Variants in MTA3 observed in about 807,000 individuals in gnomAD.
MTA3 encodes the protein metastasis-associated protein MTA3.
In MTA3, 34 loss-of-function variants were observed where a neutral mutation model predicts 83.5. The ratio of observed to expected loss-of-function variants is 0.41; its 90% CI spans 0.31 to 0.54. The LOEUF (loss-of-function observed/expected upper bound fraction) is 0.54, where lower values mean the gene tolerates loss of function less well. MTA3 is among the 20% of genes least tolerant of loss of function. MTA3 has a pLI of 0.33. For missense variants in MTA3, 761 were observed against 726.4 expected, an observed-to-expected ratio of 1.05 and a Z score of -0.55; for synonymous variants, 303 against 252.7, an observed-to-expected ratio of 1.20 and a Z score of -1.89.
In MTA3 at chr2:42,722,446, G is replaced by C. The variant is rs78124184; in HGVS notation, c.1613-443G>C. On this transcript the variant is annotated intron_variant, in intron 15 of 16. Transcript: ENST00000405094. ...TCTGTCTGGTTGCAGAGCCAGAGGA[G>C]GAATCCCGTTTTTCAGAAAGTTCGC... Among the ~76,000 whole-genome samples the C allele has an allele frequency of 1.8e-3, 274 of 152,240 alleles. 1 individual carries two copies. The highest frequency in any genetic ancestry group is 6.3e-3 in the African/African-American group (261 of 41,522).
intron 3 of MTA3, among the ~76,000 whole-genome samples, chr2:42,585,960 A>T (rs2103905756): frequency 6.6e-6 from 1 of 152,230 alleles, no homozygotes; most frequent in Non-Finnish European, 1.5e-5. Context: ...ATAAATTATA[A>T]ACAAGATGAA....
intron 2 of MTA3, among the ~76,000 whole-genome samples, chr2:42,545,294 C>A (rs1676711448): frequency 6.6e-6 from 1 of 152,110 alleles, no homozygotes; most frequent in Non-Finnish European, 1.5e-5. Flanking sequence ...GAGAGGATCA[C>A]TTGAGCCTGG....
intron 13 of MTA3, 26 bp from the exon 14 acceptor site, chr2:42,708,848 G>C (rs374680811): frequency 7.3e-5 from 118 of 1,612,642 alleles, no homozygotes; most frequent in Non-Finnish European, 9.1e-5. Flanking sequence ...ACTTCCTTGA[G>C]TGTTTGTTGT....
chr2:42,705,264 A>T (rs1212646747), intron 12 of MTA3, among the ~76,000 whole-genome samples: 1 of 152,242 alleles, frequency 6.6e-6, no homozygotes, highest in Admixed American at 6.5e-5. Flanking sequence ...AATTTGTGGA[A>T]AATTAAGATT....
intron 16 of MTA3, among the ~76,000 whole-genome samples, chr2:42,747,636 A>G (rs1342542560): frequency 6.6e-6 from 1 of 151,366 alleles, no homozygotes; most frequent in Non-Finnish European, 1.5e-5. Context: ...TGCTTGTTAC[A>G]CTGTTGGGGC....
intron 16 of MTA3, among the ~76,000 whole-genome samples, chr2:42,741,269 G>A (rs1465574563): frequency 6.6e-6 from 1 of 152,186 alleles, no homozygotes; most frequent in Non-Finnish European, 1.5e-5. Context: ...GAATGTTGTT[G>A]CTGGTTTGAT....
chr2:42,626,083 C>G (rs1395622080), intron 4 of MTA3, among the ~76,000 whole-genome samples: 2 of 148,608 alleles, frequency 1.3e-5, no homozygotes, highest in Non-Finnish European at 3.0e-5. Flanking sequence ...GCTGGGACTA[C>G]AGGCGCCTGC....
chr2:42,517,538 A>T (rs1675200818), intron 2 of MTA3, among the ~76,000 whole-genome samples: 2 of 145,846 alleles, frequency 1.4e-5, no homozygotes, highest in Admixed American at 1.4e-4. Flanking sequence ...ATGCCATTGC[A>T]CTCCAGCCTT....
intron 7 of MTA3, among the ~76,000 whole-genome samples, chr2:42,656,585 TA>T (rs1689191824): frequency 6.6e-6 from 1 of 152,198 alleles, no homozygotes. Context: ...ACATCCTTAA[TA>T]AAAAGAGTCA....
intron 2 of MTA3, among the ~76,000 whole-genome samples, chr2:42,506,702 C>T (rs941956851): frequency 6.6e-6 from 1 of 151,558 alleles, no homozygotes; most frequent in Non-Finnish European, 1.5e-5. Context: ...AGTACAGTGG[C>T]ATGATCTCGG....
Position 42,621,606 on chromosome 2 carries a change from G to A in MTA3, c.317+12022G>A, listed in dbSNP as rs1267742415. 3.9e-5 allele frequency among the ~76,000 whole-genome samples: 6 copies of A among 152,274 alleles called. No homozygotes were observed. The South Asian group carries it at 6.2e-4, about 16-fold the overall frequency. On this transcript the variant is annotated intron_variant, in intron 4 of 16. Coordinates refer to ENST00000405094, the MANE Select transcript of MTA3 (RefSeq NM_001330442.2). ...TCCCCCTTTTCTATTCGACAAAACC[G>A]CCATCGTCATCATGGCCCGTTCTCA...
Position 42,648,077 on chromosome 2 carries a change from G to A in MTA3, c.499+3833G>A, listed in dbSNP as rs149976800. Among the ~76,000 whole-genome samples the A allele has an allele frequency of 8.4e-3, 1,274 of 152,298 alleles. 17 individuals are homozygous for A. The highest frequency in any genetic ancestry group is 0.028 in the African/African-American group (1,178 of 41,552). On this transcript the variant is annotated intron_variant, in intron 6 of 16. Coordinates refer to ENST00000405094, the MANE Select transcript of MTA3 (RefSeq NM_001330442.2). ...GCTGGTCTTGAACTCCTGACCTCAG[G>A]TGATCCACCTGCCTTGGCCTCCCAA...
intron 3 of MTA3, among the ~76,000 whole-genome samples, chr2:42,587,934 T>G (rs751223379): frequency 6.6e-6 from 1 of 152,080 alleles, no homozygotes; most frequent in Non-Finnish European, 1.5e-5. Flanking sequence ...ATATTAATTA[T>G]CTTATGAATC....
intron 5 of MTA3, among the ~76,000 whole-genome samples, chr2:42,641,655 G>C (rs1687702294): frequency 6.6e-6 from 1 of 152,038 alleles, no homozygotes; most frequent in Non-Finnish European, 1.5e-5. Flanking sequence ...AGACCAGCCT[G>C]ACCAACGTGG....
intron 4 of MTA3, among the ~76,000 whole-genome samples, chr2:42,622,428 G>A (rs1056667768): frequency 3.3e-5 from 5 of 151,326 alleles, no homozygotes; most frequent in African/African-American, 1.2e-4. Context: ...GAGGGGGAGG[G>A]GGAGGGAGAG....
chr2:42,702,126 G>T (rs552958624), intron 11 of MTA3, among the ~76,000 whole-genome samples: 2 of 151,918 alleles, frequency 1.3e-5, no homozygotes, highest in Non-Finnish European at 2.9e-5. Flanking sequence ...CAGGAGAATC[G>T]CTTGAACCTG....
intron 7 of MTA3, among the ~76,000 whole-genome samples, chr2:42,658,071 C>CAAAAAA (rs59628946): frequency 1.7e-4 from 9 of 51,932 alleles, no homozygotes; most frequent in African/African-American, 6.3e-4. Flanking sequence ...GACTCTGTCT[C>CAAAAAA]AAAAAAAAAA....
At chr2:42,619,108 G>A (rs1469818654) in intron 4 of MTA3, among the ~76,000 whole-genome samples, 1 of 152,134 alleles carries the variant, frequency 6.6e-6, no homozygotes, top group East Asian at 1.9e-4. Flanking sequence ...AATAATGATT[G>A]CAAAATGAAC....
chr2:42,592,093 G>A (rs1442890757), intron 3 of MTA3, among the ~76,000 whole-genome samples: 1 of 152,076 alleles, frequency 6.6e-6, no homozygotes, highest in Non-Finnish European at 1.5e-5. Context: ...GTGAAACTCC[G>A]TTTCTACAAA....
Sources: gnomAD v4.1 joint callset for allele counts (sites outside exome capture counted in the v4.1 genomes callset) on GRCh38, gnomAD v4.1.1 for gene constraint, MANE v1.5 for transcripts, NCBI Gene and HGNC (gene_info 2026-07-23, HGNC 2026-07-21) for gene names.